The following SYT1 variants were observed in gnomAD, a reference collection of about 807,000 sequenced individuals.
SYT1 encodes synaptotagmin-1.
SYT1 carries 8 observed loss-of-function variants against 44.8 expected under a neutral mutation model. The observed-to-expected ratio is 0.18, with a 90% CI of 0.10 to 0.32. The LOEUF (loss-of-function observed/expected upper bound fraction) is 0.32. Ranked by LOEUF, SYT1 falls within the 10% of genes least tolerant of loss-of-function variation. The pLI is 1.00. For missense variants in SYT1, 286 were observed against 509.3 expected, an observed-to-expected ratio of 0.56 and a Z score of 4.22; for synonymous variants, 154 against 188.8, an observed-to-expected ratio of 0.82 and a Z score of 1.51.
At chr12:79,051,332 A>G (rs1444570811) in intron 3 of SYT1, among the ~76,000 whole-genome samples, 1 of 149,960 alleles carries the variant, frequency 6.7e-6, no homozygotes, top group East Asian at 1.9e-4. Context: ...ATATACATAT[A>G]TATGTATCTC....
chr12:78,952,708 G>A (rs1879028258), intron 1 of SYT1, among the ~76,000 whole-genome samples: 2 of 152,034 alleles, frequency 1.3e-5, no homozygotes, highest in African/African-American at 4.8e-5. Flanking sequence ...AAATAAATGA[G>A]TGGCTTTATG....
chr12:79,322,716 G>A (rs546988715), intron 8 of SYT1, among the ~76,000 whole-genome samples: 1 of 152,172 alleles, frequency 6.6e-6, no homozygotes, highest in East Asian at 1.9e-4. Context: ...AATAGAACCA[G>A]AATCTCTTTT....
At chr12:79,410,832 A>C (rs1264135953) in intron 9 of SYT1, among the ~76,000 whole-genome samples, 1 of 152,190 alleles carries the variant, frequency 6.6e-6, no homozygotes, top group Non-Finnish European at 1.5e-5. Context: ...GTATCAAAAA[A>C]AAGTCACTAA....
At chr12:78,983,726 T>C (rs893246181) in intron 2 of SYT1, among the ~76,000 whole-genome samples, 1 of 152,048 alleles carries the variant, frequency 6.6e-6, no homozygotes, top group Admixed American at 6.6e-5. Context: ...CAAGAAGAAC[T>C]AAAAGGATAA....
intron 2 of SYT1, among the ~76,000 whole-genome samples, chr12:79,031,164 T>TAATCAA (rs1489712679): frequency 6.6e-6 from 1 of 151,180 alleles, no homozygotes; most frequent in Non-Finnish European, 1.5e-5. Flanking sequence ...ATCATCAAAA[T>TAATCAA]AGTATTGATT....
intron 9 of SYT1, among the ~76,000 whole-genome samples, chr12:79,399,178 GAATATTC>G (rs1884982476): frequency 6.6e-6 from 1 of 152,036 alleles, no homozygotes; most frequent in African/African-American, 2.4e-5. Flanking sequence ...GAATAAGAAG[GAATATTC>G]ATCTTTTCCT....
chr12:78,924,898 C>T (rs1273975422), intron 1 of SYT1, among the ~76,000 whole-genome samples: 1 of 151,588 alleles, frequency 6.6e-6, no homozygotes, highest in Admixed American at 6.6e-5. Flanking sequence ...ATTTAGAAGC[C>T]TAGATCATGG....
At chr12:78,881,066 G>A (rs1874427556) in intron 1 of SYT1, among the ~76,000 whole-genome samples, 1 of 151,500 alleles carries the variant, frequency 6.6e-6, no homozygotes, top group African/African-American at 2.4e-5. Flanking sequence ...GAACACAAAT[G>A]TGATCAGATT....
intron 8 of SYT1, among the ~76,000 whole-genome samples, chr12:79,325,317 T>C (rs1321625603): frequency 6.6e-6 from 1 of 152,142 alleles, no homozygotes; most frequent in African/African-American, 2.4e-5. Flanking sequence ...CAGAATGTGA[T>C]TAGCACACCT....
chr12:79,251,982 T>TGATAGATAGATAGATA (rs10527014), intron 4 of SYT1, among the ~76,000 whole-genome samples: 17,164 of 149,784 alleles, frequency 0.11, 1,077 homozygotes, highest in African/African-American at 0.14. Flanking sequence ...GATAGATGAT[T>TGATAGATAGATAGATA]GATAGATAGA....
At chr12:78,865,170 C>G (rs1203684742) in intron 1 of SYT1, 61 bp downstream of exon 1, 3 of 152,132 alleles carry the variant, frequency 2.0e-5, no homozygotes, top group Admixed American at 6.5e-5. Flanking sequence ...CGAATCCATC[C>G]CAAAGATTTT....
intron 3 of SYT1, among the ~76,000 whole-genome samples, chr12:79,176,834 A>G (rs1871902641): frequency 6.6e-6 from 1 of 152,028 alleles, no homozygotes; most frequent in Non-Finnish European, 1.5e-5. Flanking sequence ...TAGGGTTTAC[A>G]ACCCTACGTA....
chr12:79,095,229 T>G (rs1317125403), intron 3 of SYT1, among the ~76,000 whole-genome samples: 1 of 151,908 alleles, frequency 6.6e-6, no homozygotes, highest in Non-Finnish European at 1.5e-5. Context: ...TCTTATAAAC[T>G]AATTCTTACA....
chr12:79,410,776 C>G (rs1423090910), intron 9 of SYT1, among the ~76,000 whole-genome samples: 1 of 152,046 alleles, frequency 6.6e-6, no homozygotes, highest in African/African-American at 2.4e-5. Context: ...TCAAAACTGA[C>G]TATATCAACA....
At chr12:78,875,508 G>A (rs1448796993) in intron 1 of SYT1, among the ~76,000 whole-genome samples, 1 of 151,596 alleles carries the variant, frequency 6.6e-6, no homozygotes, top group East Asian at 1.9e-4. Flanking sequence ...GAAAGCACTG[G>A]GGTCAAATGA....
intron 8 of SYT1, among the ~76,000 whole-genome samples, chr12:79,323,112 T>A (rs1881444089): frequency 1.3e-5 from 2 of 151,928 alleles, no homozygotes; most frequent in African/African-American, 4.8e-5. Context: ...TACATGCATT[T>A]TCTCTCTTTT....
At chr12:79,422,252 G>A (rs1015499841) in intron 9 of SYT1, among the ~76,000 whole-genome samples, 5 of 151,994 alleles carry the variant, frequency 3.3e-5, no homozygotes, top group African/African-American at 4.8e-5. Flanking sequence ...ATAGTACAAA[G>A]CACTTCTGAG....
intron 3 of SYT1, among the ~76,000 whole-genome samples, chr12:79,178,312 A>T (rs138664748): frequency 0.011 from 1,645 of 151,848 alleles, 31 homozygotes; most frequent in African/African-American, 0.038. Context: ...AGCCACATAG[A>T]TTCCTTTTTA....
chr12:78,933,787 T>G (rs2137220815), intron 1 of SYT1, among the ~76,000 whole-genome samples: 1 of 152,244 alleles, frequency 6.6e-6, no homozygotes, highest in South Asian at 2.1e-4. Context: ...TAAATCCTTG[T>G]TTTACCTCAT....
Sources: allele counts gnomAD v4.1 joint callset (sites outside exome capture counted in the v4.1 genomes callset), GRCh38; gene constraint gnomAD v4.1.1; transcripts MANE v1.5; gene names NCBI Gene and HGNC (gene_info 2026-07-23, HGNC 2026-07-21).